Variants in DNER observed in about 807,000 individuals in gnomAD.
The protein encoded by DNER is delta/notch like EGF repeat containing, also known as delta and Notch-like epidermal growth factor-related receptor.
In DNER, 33 loss-of-function variants were observed where a neutral mutation model predicts 78.2. The ratio of observed to expected loss-of-function variants is 0.42; its 90% CI spans 0.32 to 0.56. The LOEUF (loss-of-function observed/expected upper bound fraction) is 0.56, where lower values mean the gene tolerates loss of function less well. Among genes scored for constraint, DNER ranks in the 20% least tolerant of loss-of-function variants. The pLI, the probability that DNER is intolerant of heterozygous loss-of-function variation, is 0.11. For missense variants in DNER, 918 were observed against 975.3 expected (o/e 0.94, Z 0.78); for synonymous variants, 417 against 384.8 (o/e 1.08, Z -0.98).
chr2:229,400,320 A>G (rs1368657179), intron 10 of DNER, among the ~76,000 whole-genome samples: 2 of 152,064 alleles, frequency 1.3e-5, no homozygotes, highest in Non-Finnish European at 1.5e-5. Flanking sequence ...ATACACATGC[A>G]CTTCCTCACT....
intron 1 of DNER, among the ~76,000 whole-genome samples, chr2:229,671,379 C>A (rs891937938): frequency 4.6e-5 from 7 of 152,198 alleles, no homozygotes; most frequent in Non-Finnish European, 5.9e-5. Context: ...TCTCCTCTAG[C>A]TGCTTAAAAT....
intron 10 of DNER, among the ~76,000 whole-genome samples, chr2:229,395,356 C>T (rs931636678): frequency 1.3e-5 from 2 of 152,172 alleles, no homozygotes; most frequent in Non-Finnish European, 2.9e-5. Context: ...GGATAAAACA[C>T]CCTTTGGGGG....
chr2:229,513,699 G>A (rs766331027), intron 5 of DNER, among the ~76,000 whole-genome samples: 1 of 152,126 alleles, frequency 6.6e-6, no homozygotes, highest in African/African-American at 2.4e-5. Flanking sequence ...AAGCAATATA[G>A]ATCATTACAG....
intron 11 of DNER, 59 bp from the exon 12 acceptor site, chr2:229,367,178 G>A: frequency 1.3e-6 from 2 of 1,599,382 alleles, no homozygotes; most frequent in Non-Finnish European, 8.5e-7. Flanking sequence ...GAATGAGAAG[G>A]CCTTTTTCAT....
intron 9 of DNER, among the ~76,000 whole-genome samples, chr2:229,408,353 C>T (rs1223978963): frequency 6.6e-6 from 1 of 152,004 alleles, no homozygotes; most frequent in East Asian, 1.9e-4. Flanking sequence ...GGGATATCTG[C>T]TGATGTTACA....
intron 5 of DNER, among the ~76,000 whole-genome samples, chr2:229,537,985 T>C (rs1222372955): frequency 6.6e-6 from 1 of 152,214 alleles, no homozygotes; most frequent in Non-Finnish European, 1.5e-5. Context: ...GCAATGTCTT[T>C]TTAATTACAT....
At chr2:229,531,894 C>G (rs1486159078) in intron 5 of DNER, among the ~76,000 whole-genome samples, 1 of 152,062 alleles carries the variant, frequency 6.6e-6, no homozygotes, top group Non-Finnish European at 1.5e-5. Context: ...GTGAAAGAAG[C>G]AGACACAAAA....
intron 5 of DNER, among the ~76,000 whole-genome samples, chr2:229,535,833 G>A (rs1424415425): frequency 2.8e-5 from 4 of 144,786 alleles, no homozygotes; most frequent in African/African-American, 8.7e-5. Flanking sequence ...TAGTTGAGAC[G>A]GGGTTTCACC....
chr2:229,383,109 A>G (rs1692781869), intron 11 of DNER, among the ~76,000 whole-genome samples: 1 of 152,198 alleles, frequency 6.6e-6, no homozygotes, highest in Non-Finnish European at 1.5e-5. Context: ...GCCAATATTC[A>G]ACATTCTGAA....
intron 5 of DNER, among the ~76,000 whole-genome samples, chr2:229,515,383 C>T (rs561913568): frequency 1.8e-4 from 28 of 152,314 alleles, no homozygotes; most frequent in Admixed American, 1.3e-3. Flanking sequence ...AATGTAAATG[C>T]TGTGCACGCC....
At chr2:229,549,351 G>A (rs983652283) in intron 4 of DNER, among the ~76,000 whole-genome samples, 1 of 152,086 alleles carries the variant, frequency 6.6e-6, no homozygotes, top group Non-Finnish European at 1.5e-5. Flanking sequence ...TGTTGCCCAG[G>A]CTGGAGTGCA....
chr2:229,656,781 T>A (rs1384063836), intron 1 of DNER, among the ~76,000 whole-genome samples: 1 of 152,230 alleles, frequency 6.6e-6, no homozygotes, highest in Non-Finnish European at 1.5e-5. Context: ...CCTGGAGCTA[T>A]GAAACTATAA....
Position 229,363,201 on chromosome 2 carries a change from C to G in DNER, c.2102+3672G>C, listed in dbSNP as rs544280063. Among the ~76,000 whole-genome samples the G allele has an allele frequency of 2.0e-5, 3 of 152,284 alleles. No individual in the cohort carries two copies. The East Asian group carries it at 5.8e-4, about 29-fold the overall frequency. On this transcript the variant is annotated intron_variant, in intron 12 of 12. Transcript: ENST00000341772. Reference sequence around the variant, plus strand: ...AGAGGGAGGGGTCTCCTTCTCAACCCTACTAGGAGTTACAACCAACAGACT... The same window carrying G: ...AGAGGGAGGGGTCTCCTTCTCAACCGTACTAGGAGTTACAACCAACAGACT...
chr2:229,470,663 A>G (rs1364197641), intron 7 of DNER, among the ~76,000 whole-genome samples: 1 of 152,190 alleles, frequency 6.6e-6, no homozygotes, highest in Non-Finnish European at 1.5e-5. Flanking sequence ...CAGCCTGGCC[A>G]ACATGGTGAA....
intron 1 of DNER, among the ~76,000 whole-genome samples, chr2:229,706,493 G>A (rs10933309): frequency 0.016 from 2,396 of 151,426 alleles, 58 homozygotes; most frequent in African/African-American, 0.056. Flanking sequence ...AATATGAGAG[G>A]TGGAGGCAGC....
intron 7 of DNER, among the ~76,000 whole-genome samples, chr2:229,470,315 A>G (rs1694897349): frequency 6.6e-6 from 1 of 152,132 alleles, no homozygotes; most frequent in African/African-American, 2.4e-5. Context: ...TGTCAGCACT[A>G]AAGTGGGCAT....
chr2:229,595,117 G>A (rs919821014), intron 1 of DNER, among the ~76,000 whole-genome samples: 20 of 151,740 alleles, frequency 1.3e-4, no homozygotes, highest in South Asian at 8.3e-4. Flanking sequence ...TTATTTGTGC[G>A]CCTGCCATTC....
At chr2:229,379,726 G>A (rs1366355253) in intron 11 of DNER, among the ~76,000 whole-genome samples, 1 of 152,112 alleles carries the variant, frequency 6.6e-6, no homozygotes, top group Non-Finnish European at 1.5e-5. Flanking sequence ...GTAAACTGAG[G>A]CTCAGCACAA....
chr2:229,555,892 C>T (rs765569718), intron 4 of DNER, among the ~76,000 whole-genome samples: 33 of 152,094 alleles, frequency 2.2e-4, no homozygotes, highest in East Asian at 3.9e-4. Flanking sequence ...AACACTTTTA[C>T]GCATAAAATA....
Sources: gnomAD v4.1 joint callset for allele counts (sites outside exome capture counted in the v4.1 genomes callset) on GRCh38, gnomAD v4.1.1 for gene constraint, MANE v1.5 for transcripts, NCBI Gene and HGNC (gene_info 2026-07-23, HGNC 2026-07-21) for gene names.